The following TRAPPC9 variants were observed in gnomAD, a reference collection of about 807,000 sequenced individuals.
The protein encoded by TRAPPC9 is IKK2 binding protein.
A neutral mutation model predicts 124.0 loss-of-function variants in TRAPPC9; 83 were observed. That is an observed-to-expected ratio of 0.67 (90% CI 0.56 to 0.80). The LOEUF (loss-of-function observed/expected upper bound fraction) is 0.80, where lower values mean the gene tolerates loss of function less well. Ranked by LOEUF, TRAPPC9 falls within the 30% of genes least tolerant of loss-of-function variation. The pLI, the probability that TRAPPC9 is intolerant of heterozygous loss-of-function variation, is 0.00. For missense variants in TRAPPC9, 1,302 were observed against 1,508.3 expected (o/e 0.86, Z 2.27); for synonymous variants, 638 against 617.5 (o/e 1.03, Z -0.49).
rs1011506377 is a variant in TRAPPC9 at position 140,376,769 on chromosome 8, A to G, written c.1135-5589T>C. ...TGGGTGCCTATAGTCCCAGCTACTC[A>G]GGAGGCTGAGGCAGGAGAATCACTT... On this transcript the variant is annotated intron_variant, in intron 7 of 22. Transcript: ENST00000438773. Among the ~76,000 whole-genome samples the G allele has an allele frequency of 1.6e-4, 24 of 149,606 alleles. 1 individual carries two copies. Among genetic ancestry groups the G allele is most frequent in the Non-Finnish European group, 4.4e-5 (3 of 67,458 alleles).
chr8:139,796,065 A>G (rs1202684272), intron 21 of TRAPPC9, among the ~76,000 whole-genome samples: 13 of 136,978 alleles, frequency 9.5e-5, no homozygotes, highest in African/African-American at 1.9e-4. Flanking sequence ...GAAGAGGAAG[A>G]AGAGGAGGAG....
At chr8:140,345,710 C>T (rs2067328257) in intron 9 of TRAPPC9, among the ~76,000 whole-genome samples, 1 of 152,216 alleles carries the variant, frequency 6.6e-6, no homozygotes, top group South Asian at 2.1e-4. Context: ...TGAAGAGCCA[C>T]TCACTCCATA....
intron 17 of TRAPPC9, among the ~76,000 whole-genome samples, chr8:140,051,744 C>A (rs73725378): frequency 2.0e-5 from 3 of 152,020 alleles, no homozygotes; most frequent in Non-Finnish European, 4.4e-5. Flanking sequence ...GCTGCTCCCC[C>A]ACGTAGGACA....
At chr8:139,891,083 G>T (rs918884834) in intron 20 of TRAPPC9, among the ~76,000 whole-genome samples, 1 of 152,104 alleles carries the variant, frequency 6.6e-6, no homozygotes, top group Admixed American at 6.5e-5. Context: ...AAGAGGAGTT[G>T]CTTAGTATTA....
intron 21 of TRAPPC9, among the ~76,000 whole-genome samples, chr8:139,823,278 C>T (rs372320040): frequency 7.2e-5 from 11 of 151,992 alleles, no homozygotes; most frequent in African/African-American, 1.5e-4. Context: ...AGGTGCCCAG[C>T]GGTCTGATGT....
intron 19 of TRAPPC9, among the ~76,000 whole-genome samples, chr8:139,972,628 A>C (rs1836177114): frequency 6.6e-6 from 1 of 152,086 alleles, no homozygotes; most frequent in Non-Finnish European, 1.5e-5. Context: ...CAGACACCAC[A>C]GCCCTGGCCA....
chr8:139,956,456 C>T (rs750529567), intron 19 of TRAPPC9, among the ~76,000 whole-genome samples: 1 of 152,206 alleles, frequency 6.6e-6, no homozygotes. Context: ...CCACCGCGCC[C>T]GGCCCATGGG....
intron 18 of TRAPPC9, among the ~76,000 whole-genome samples, chr8:139,998,907 A>G (rs1838216403): frequency 6.6e-6 from 1 of 152,198 alleles, no homozygotes; most frequent in Admixed American, 6.5e-5. Flanking sequence ...ATAAAATATT[A>G]TTTCTAAGTC....
At chr8:139,863,833 C>T (rs1023354518) in intron 21 of TRAPPC9, among the ~76,000 whole-genome samples, 6 of 152,132 alleles carry the variant, frequency 3.9e-5, no homozygotes, top group African/African-American at 7.2e-5. Flanking sequence ...CTGAGGGGCA[C>T]GGGAGGGGAT....
chr8:139,799,949 G>A (rs1823358074), intron 21 of TRAPPC9, among the ~76,000 whole-genome samples: 2 of 152,348 alleles, frequency 1.3e-5, no homozygotes, highest in East Asian at 1.9e-4. Context: ...GAAGTGATGC[G>A]GGGCCCAGAG....
intron 21 of TRAPPC9, among the ~76,000 whole-genome samples, chr8:139,764,271 G>A (rs142456414): frequency 2.1e-4 from 32 of 152,284 alleles, no homozygotes; most frequent in African/African-American, 6.7e-4. Context: ...AGTCCGTGTG[G>A]CTGTAGCAGG....
intron 5 of TRAPPC9, among the ~76,000 whole-genome samples, chr8:140,409,736 C>T (rs1174708417): frequency 2.0e-5 from 3 of 152,064 alleles, no homozygotes; most frequent in Non-Finnish European, 4.4e-5. Flanking sequence ...AATATCTTAC[C>T]TTTTGCACAA....
chr8:140,251,502 T>C (rs935052673), intron 16 of TRAPPC9, among the ~76,000 whole-genome samples: 2 of 152,256 alleles, frequency 1.3e-5, no homozygotes, highest in Admixed American at 6.5e-5. Flanking sequence ...ATAAAAAGAA[T>C]ATTTTACCAA....
rs564824261 is a variant in TRAPPC9 at position 139,745,693 on chromosome 8, G to A, written c.3056-13491C>T. On this transcript the variant is annotated intron_variant, in intron 21 of 22. Transcript: ENST00000438773. ...TGCCCTGGCTGGAGCCTCCCTTGGG[G>A]ACAAACAGAGCAGGACAGGGAGGCA... Among the ~76,000 whole-genome samples, 3 of 152,348 alleles carry A rather than the reference G, an allele frequency of 2.0e-5. No homozygotes were observed. In the South Asian group the frequency reaches 6.2e-4, roughly 32 times the overall value.
At chr8:140,223,348 C>A (rs1210084749) in intron 16 of TRAPPC9, among the ~76,000 whole-genome samples, 1 of 152,134 alleles carries the variant, frequency 6.6e-6, no homozygotes, top group Non-Finnish European at 1.5e-5. Context: ...AATAAACAAC[C>A]TGCTCGCAGT....
chr8:140,438,619 G>C (rs2070900016), intron 3 of TRAPPC9, among the ~76,000 whole-genome samples: 1 of 152,186 alleles, frequency 6.6e-6, no homozygotes, highest in Non-Finnish European at 1.5e-5. Context: ...ACCAGCACAG[G>C]CTGGCTGCTT....
chr8:140,070,734 C>A (rs1843117185), intron 17 of TRAPPC9, among the ~76,000 whole-genome samples: 1 of 152,176 alleles, frequency 6.6e-6, no homozygotes, highest in South Asian at 2.1e-4. Flanking sequence ...CAGGGCTGTC[C>A]CCTAAAGCCA....
At chr8:140,276,333 C>T (rs2065119240) in intron 14 of TRAPPC9, among the ~76,000 whole-genome samples, 1 of 152,190 alleles carries the variant, frequency 6.6e-6, no homozygotes. Context: ...CTTACAGGTA[C>T]AAACTGTAAG....
chr8:139,785,279 G>T (rs1299840556), intron 21 of TRAPPC9, among the ~76,000 whole-genome samples: 1 of 152,144 alleles, frequency 6.6e-6, no homozygotes, highest in Non-Finnish European at 1.5e-5. Flanking sequence ...AACTCAAAAT[G>T]AATCAGAGGC....
Sources: gnomAD v4.1 joint callset for allele counts (sites outside exome capture counted in the v4.1 genomes callset) on GRCh38, gnomAD v4.1.1 for gene constraint, MANE v1.5 for transcripts, NCBI Gene and HGNC (gene_info 2026-07-23, HGNC 2026-07-21) for gene names.